The following PARD3 variants were observed in gnomAD, a reference collection of about 807,000 sequenced individuals.
The protein encoded by PARD3 is partitioning defective 3 homolog.
In PARD3, 75 loss-of-function variants were observed where a neutral mutation model predicts 155.4. The observed-to-expected ratio is 0.48, with a 90% CI of 0.40 to 0.58. The LOEUF is 0.58. Ranked by LOEUF, PARD3 falls within the 20% of genes least tolerant of loss-of-function variation. The pLI is 0.00. For missense variants in PARD3, 1,642 were observed against 1,721.7 expected (o/e 0.95, Z 0.82); for synonymous variants, 576 against 610.5 (o/e 0.94, Z 0.83).
rs536100486 is a variant in PARD3 at position 34,469,220 on chromosome 10, T to G, written c.582+865A>C. Among the ~76,000 whole-genome samples the G allele has an allele frequency of 5.9e-5, 9 of 152,284 alleles. No homozygotes were observed. The Middle Eastern group carries it at 0.017, about 288-fold the overall frequency. On this transcript the variant is annotated intron_variant, in intron 4 of 24. Coordinates refer to ENST00000374788, the MANE Select transcript of PARD3 (RefSeq NM_001184785.2). ...CCGCCTCCTGGGTTCAAGCGATTAT[T>G]GTGCCTCAGCATCCTGAGTAGTTAG... is the stretch of plus-strand genomic sequence containing the variant.
At chr10:34,543,325 A>G in intron 2 of PARD3, among the ~76,000 whole-genome samples, 1 of 152,210 alleles carries the variant, frequency 6.6e-6, no homozygotes, top group Non-Finnish European at 1.5e-5. Context: ...TTTAACATAA[A>G]TAAAAGAATA....
intron 2 of PARD3, among the ~76,000 whole-genome samples, chr10:34,677,626 G>A (rs2093733293): frequency 6.6e-6 from 1 of 152,004 alleles, no homozygotes; most frequent in Admixed American, 6.6e-5. Context: ...TCATAAACTG[G>A]CCAGAATCAG....
intron 20 of PARD3, among the ~76,000 whole-genome samples, chr10:34,287,528 T>C (rs73254643): frequency 0.026 from 4,023 of 152,066 alleles, 191 homozygotes; most frequent in African/African-American, 0.093. Context: ...GCTCCTTTAG[T>C]AATGGTGAGG....
At chr10:34,478,944 T>C (rs1018732053) in intron 3 of PARD3, among the ~76,000 whole-genome samples, 11 of 152,062 alleles carry the variant, frequency 7.2e-5, no homozygotes, top group Non-Finnish European at 1.3e-4. Context: ...ATATAACCAC[T>C]CTGATCAAAA....
At chr10:34,243,855 A>G (rs1953770786) in intron 22 of PARD3, among the ~76,000 whole-genome samples, 1 of 152,206 alleles carries the variant, frequency 6.6e-6, no homozygotes, top group Non-Finnish European at 1.5e-5. Context: ...GACCTGCGCC[A>G]TAATTAAATA....
At chr10:34,814,347 C>T (rs1359717061) in intron 1 of PARD3, among the ~76,000 whole-genome samples, 4 of 152,156 alleles carry the variant, frequency 2.6e-5, no homozygotes, top group South Asian at 2.1e-4. Context: ...AAGCCCCCCG[C>T]CGCTGTTCCG....
At chr10:34,212,236 T>C (rs1032390447) in intron 22 of PARD3, among the ~76,000 whole-genome samples, 2 of 152,168 alleles carry the variant, frequency 1.3e-5, no homozygotes, top group African/African-American at 2.4e-5. Context: ...TATTCCCCTG[T>C]GTTCCCACAA....
At chr10:34,327,975 C>A (rs921210879) in intron 19 of PARD3, among the ~76,000 whole-genome samples, 3 of 152,088 alleles carry the variant, frequency 2.0e-5, no homozygotes, top group East Asian at 1.9e-4. Context: ...GACAGCAAGT[C>A]CAGAGACTCC....
chr10:34,678,660 T>A (rs2093756438), intron 2 of PARD3, among the ~76,000 whole-genome samples: 1 of 152,022 alleles, frequency 6.6e-6, no homozygotes, highest in African/African-American at 2.4e-5. Context: ...CACTAATAAA[T>A]AATAAGCATT....
rs544497452 is a variant in PARD3 at position 34,660,408 on chromosome 10, A to T, written c.222+35910T>A. On this transcript the variant is annotated intron_variant, in intron 2 of 24. Coordinates refer to ENST00000374788, the MANE Select transcript of PARD3 (RefSeq NM_001184785.2). ...TCTAAAAAGGGGCAATTTAAAAGTT[A>T]GAATAAAATTTTAGTACATAAAGAA... is the stretch of plus-strand genomic sequence containing the variant. 3.3e-5 allele frequency among the ~76,000 whole-genome samples: 5 copies of T among 152,324 alleles called. No homozygotes were observed. The East Asian group carries it at 9.6e-4, about 29-fold the overall frequency.
chr10:34,536,440 A>T (rs935898121), intron 2 of PARD3, among the ~76,000 whole-genome samples: 4 of 152,208 alleles, frequency 2.6e-5, no homozygotes, highest in Admixed American at 6.5e-5. Context: ...TGTTTCAAAG[A>T]CTGTAAACAA....
intron 3 of PARD3, among the ~76,000 whole-genome samples, chr10:34,498,323 G>A (rs1429691370): frequency 6.6e-6 from 1 of 152,070 alleles, no homozygotes; most frequent in Non-Finnish European, 1.5e-5. Context: ...CAAAGACAGT[G>A]TTTAGGAAAA....
chr10:34,228,360 C>T (rs1450292660), intron 22 of PARD3, among the ~76,000 whole-genome samples: 1 of 151,888 alleles, frequency 6.6e-6, no homozygotes, highest in African/African-American at 2.4e-5. Flanking sequence ...ATGCAATTTG[C>T]CCATGTAACA....
chr10:34,509,941 C>T (rs1459970468), intron 3 of PARD3, among the ~76,000 whole-genome samples: 1 of 152,202 alleles, frequency 6.6e-6, no homozygotes, highest in African/African-American at 2.4e-5. Context: ...AACACTTTTG[C>T]CACTCAACTA....
At chr10:34,561,581 C>T (rs1167540609) in intron 2 of PARD3, among the ~76,000 whole-genome samples, 2 of 151,624 alleles carry the variant, frequency 1.3e-5, no homozygotes, top group African/African-American at 2.4e-5. Flanking sequence ...TGCAATGGCG[C>T]GATCTCGGCT....
intron 22 of PARD3, among the ~76,000 whole-genome samples, chr10:34,159,244 C>T (rs1444066666): frequency 6.6e-6 from 1 of 152,166 alleles, no homozygotes; most frequent in Non-Finnish European, 1.5e-5. Flanking sequence ...CGCTAAAGAC[C>T]TGGAGGAGGT....
chr10:34,605,366 T>C (rs1377205247), intron 2 of PARD3, among the ~76,000 whole-genome samples: 1 of 149,078 alleles, frequency 6.7e-6, no homozygotes, highest in African/African-American at 2.5e-5. Flanking sequence ...GCTAATTTTT[T>C]GTACTTTTAG....
At chr10:34,766,920 C>T (rs1162481061) in intron 1 of PARD3, among the ~76,000 whole-genome samples, 2 of 152,132 alleles carry the variant, frequency 1.3e-5, no homozygotes, top group African/African-American at 4.8e-5. Context: ...GAGTTAGGTC[C>T]TAAAGAATCC....
chr10:34,341,591 T>G (rs767946275), intron 16 of PARD3, 36 bp downstream of exon 16: 6 of 1,551,912 alleles, frequency 3.9e-6, no homozygotes, highest in Non-Finnish European at 5.3e-6. Context: ...GGACTGTAAT[T>G]AATTCATGTT....
Sources: gnomAD v4.1 joint callset for allele counts (sites outside exome capture counted in the v4.1 genomes callset) on GRCh38, gnomAD v4.1.1 for gene constraint, MANE v1.5 for transcripts, NCBI Gene and HGNC (gene_info 2026-07-23, HGNC 2026-07-21) for gene names.